CLEC16A: variants seen among roughly 807,000 people sequenced by gnomAD.
The protein encoded by CLEC16A is protein CLEC16A.
In CLEC16A, 51 loss-of-function variants were observed where a neutral mutation model predicts 109.5. The observed-to-expected ratio is 0.47, with a 90% CI of 0.37 to 0.59. The LOEUF is 0.59. Among genes scored for constraint, CLEC16A ranks in the 20% least tolerant of loss-of-function variants. The pLI is 0.00. For synonymous variants in CLEC16A, 673 were observed against 564.2 expected (o/e 1.19, Z -2.73); for missense variants, 1,339 against 1,394.0 (o/e 0.96, Z 0.63).
chr16:11,063,058 T>G (rs1245947066), intron 19 of CLEC16A, among the ~76,000 whole-genome samples: 2 of 152,168 alleles, frequency 1.3e-5, no homozygotes, highest in African/African-American at 2.4e-5. Flanking sequence ...CTTATCAATT[T>G]TAATTGATTA....
At chr16:11,058,064 GT>G (rs1418969948) in intron 18 of CLEC16A, among the ~76,000 whole-genome samples, 1 of 152,236 alleles carries the variant, frequency 6.6e-6, no homozygotes, top group Non-Finnish European at 1.5e-5. Flanking sequence ...AATTTACAGA[GT>G]TGTGGGGCTG....
At chr16:11,042,500 C>G (rs539039065) in intron 15 of CLEC16A, 137 bp downstream of exon 15, 26 of 602,568 alleles carry the variant, frequency 4.3e-5, no homozygotes, top group Non-Finnish European at 7.2e-5. Context: ...AGGGGCTGCT[C>G]TCTTGAGACC....
chr16:11,093,216 G>A (rs570270788), intron 19 of CLEC16A, among the ~76,000 whole-genome samples: 1 of 152,366 alleles, frequency 6.6e-6, no homozygotes, highest in South Asian at 2.1e-4. Flanking sequence ...GAGTGAGAGA[G>A]AGAAGGGCAG....
At chr16:10,951,414 G>A (rs143365738) in intron 1 of CLEC16A, among the ~76,000 whole-genome samples, 1 of 152,196 alleles carries the variant, frequency 6.6e-6, no homozygotes, top group African/African-American at 2.4e-5. Context: ...TTGTGTGTTA[G>A]GCATTCATAA....
rs145197815 is a variant in CLEC16A, at chr16:10,959,334, G to A, written c.209+1424G>A. The stretch of plus-strand genomic sequence containing the variant: ...CTATGATCTCCAAAGCAGAACATGC[G>A]AGTCATGAATTTGTGTTTATATACA... On this transcript the variant is annotated intron_variant, in intron 2 of 23. Coordinates refer to ENST00000409790, the MANE Select transcript of CLEC16A (RefSeq NM_015226.3). Among the ~76,000 whole-genome samples the A allele has an allele frequency of 4.6e-5, 7 of 152,106 alleles. No individual in the cohort carries two copies. The South Asian group carries it at 1.2e-3, about 27-fold the overall frequency.
At chr16:11,155,424 C>G (rs1051790926) in intron 22 of CLEC16A, among the ~76,000 whole-genome samples, 4 of 152,208 alleles carry the variant, frequency 2.6e-5, no homozygotes, top group Admixed American at 2.6e-4. Flanking sequence ...AAGCCTAAAG[C>G]CAAGTTGCTG....
In CLEC16A at chr16:10,954,518, C is replaced by T. The variant is rs529923031; in HGVS notation, c.81-3264C>T. Reference sequence around the variant, plus strand: ...AAGTTAGTTATCTGTTATCTCCCAACACCACCAAAATAGGTAGATACTAAA... The same window carrying T: ...AAGTTAGTTATCTGTTATCTCCCAATACCACCAAAATAGGTAGATACTAAA... On this transcript the variant is annotated intron_variant, in intron 1 of 23. Coordinates refer to ENST00000409790, the MANE Select transcript of CLEC16A (RefSeq NM_015226.3). The surrounding 1 kb of genome is among the most constrained non-coding windows in gnomAD (Gnocchi z 4.2). Among the ~76,000 whole-genome samples the T allele has an allele frequency of 3.3e-4, 51 of 152,336 alleles. No individual in the cohort carries two copies. The highest frequency in any genetic ancestry group is 2.9e-3 in the Admixed American group (44 of 15,300).
intron 9 of CLEC16A, among the ~76,000 whole-genome samples, chr16:10,981,039 C>T (rs1397726606): frequency 3.3e-5 from 5 of 152,162 alleles, no homozygotes; most frequent in African/African-American, 9.7e-5. Flanking sequence ...GTCTGGCCTG[C>T]ACGTGCTTCC....
At chr16:11,052,816 C>T (rs80242854) in intron 18 of CLEC16A, among the ~76,000 whole-genome samples, 2 of 152,212 alleles carry the variant, frequency 1.3e-5, no homozygotes, top group Admixed American at 6.5e-5. Context: ...GATCCCCCCG[C>T]ACCCCTGAGC....
At chr16:11,122,578 C>T (rs981868570) in intron 20 of CLEC16A, among the ~76,000 whole-genome samples, 9 of 152,264 alleles carry the variant, frequency 5.9e-5, no homozygotes, top group African/African-American at 2.2e-4. Context: ...ATCTTACTGC[C>T]GCGTTTTGAT....
chr16:11,070,185 C>T (rs1325666768), intron 19 of CLEC16A, among the ~76,000 whole-genome samples: 1 of 152,074 alleles, frequency 6.6e-6, no homozygotes, highest in African/African-American at 2.4e-5. Context: ...ATTCTCCTGC[C>T]TCAGCCTCCC....
chr16:11,133,754 C>G (rs1202869525), intron 22 of CLEC16A, among the ~76,000 whole-genome samples: 1 of 151,442 alleles, frequency 6.6e-6, no homozygotes, highest in Non-Finnish European at 1.5e-5. Context: ...AAACTGGAGC[C>G]AGTTCTCTCC....
intron 1 of CLEC16A, among the ~76,000 whole-genome samples, chr16:10,952,259 C>G (rs550433666): frequency 6.6e-6 from 1 of 152,148 alleles, no homozygotes; most frequent in Admixed American, 6.5e-5. Context: ...TTTGGGAAGC[C>G]GAGGCAGGCA....
chr16:10,976,658 T>C (rs900295034), intron 7 of CLEC16A, among the ~76,000 whole-genome samples: 6 of 152,232 alleles, frequency 3.9e-5, no homozygotes, highest in African/African-American at 1.4e-4. Flanking sequence ...ACCAGCTGTT[T>C]CTGGAGTGTG....
chr16:11,030,095 A>G (rs763242576), intron 13 of CLEC16A, among the ~76,000 whole-genome samples: 1 of 152,224 alleles, frequency 6.6e-6, no homozygotes, highest in African/African-American at 2.4e-5. Context: ...ATTCCATTAT[A>G]TGAACATACC....
chr16:11,146,813 A>C (rs1332592122), intron 22 of CLEC16A, among the ~76,000 whole-genome samples: 2 of 152,096 alleles, frequency 1.3e-5, no homozygotes, highest in Non-Finnish European at 2.9e-5. Context: ...ACAGATCTTT[A>C]ATCCCCCCTT....
intron 22 of CLEC16A, among the ~76,000 whole-genome samples, chr16:11,135,423 C>T (rs1292673160): frequency 1.3e-5 from 2 of 152,214 alleles, no homozygotes; most frequent in Non-Finnish European, 2.9e-5. Context: ...GACACAGTAG[C>T]ACTTGTCATG....
At chr16:11,094,454 G>A (rs1270611355) in intron 19 of CLEC16A, among the ~76,000 whole-genome samples, 3 of 152,204 alleles carry the variant, frequency 2.0e-5, no homozygotes, top group Non-Finnish European at 2.9e-5. Flanking sequence ...TGGCTTAACG[G>A]GCCCTCTTGG....
At chr16:11,126,784 C>G (rs1246257077) in intron 22 of CLEC16A, 1 of 153,264 alleles carries the variant, frequency 6.5e-6, no homozygotes, top group South Asian at 2.0e-4. Flanking sequence ...CGTATGCACC[C>G]CGATCCCTCG....
Sources: allele counts gnomAD v4.1 joint callset (sites outside exome capture counted in the v4.1 genomes callset), GRCh38; gene constraint gnomAD v4.1.1; non-coding constraint Gnocchi (gnomAD v3.1); transcripts MANE v1.5; gene names NCBI Gene and HGNC (gene_info 2026-07-23, HGNC 2026-07-21).